The following FAT3 variants were observed in gnomAD, a reference collection of about 807,000 sequenced individuals.
The protein encoded by FAT3 is protocadherin Fat 3.
FAT3 carries 95 observed loss-of-function variants against 310.2 expected under a neutral mutation model. That is an observed-to-expected ratio of 0.31 (90% confidence interval 0.26 to 0.36). FAT3 has a LOEUF of 0.36. Ranked by LOEUF, FAT3 falls within the 10% of genes least tolerant of loss-of-function variation. The pLI is 1.00. For synonymous variants in FAT3, 2,314 were observed against 2,192.9 expected (o/e 1.06, Z -1.54); for missense variants, 5,408 against 5,715.6 (o/e 0.95, Z 1.74).
chr11:92,768,535 A>G (rs1018493799), intron 6 of FAT3, among the ~76,000 whole-genome samples: 1 of 151,980 alleles, frequency 6.6e-6, no homozygotes, highest in Non-Finnish European at 1.5e-5. Flanking sequence ...TTAAATACCT[A>G]TTGTTTCCTT....
intron 3 of FAT3, among the ~76,000 whole-genome samples, chr11:92,583,956 G>C (rs1313814954): frequency 6.6e-6 from 1 of 152,006 alleles, no homozygotes; most frequent in East Asian, 1.9e-4. Context: ...ACTAAACGAA[G>C]AGAAGTGCAT....
At chr11:92,584,843 T>A (rs1939047924) in intron 3 of FAT3, among the ~76,000 whole-genome samples, 1 of 151,910 alleles carries the variant, frequency 6.6e-6, no homozygotes, top group South Asian at 2.1e-4. Flanking sequence ...GAAAGAAAAA[T>A]TTAAAAAGAA....
chr11:92,561,000 AATGTGGT>A lies in FAT3; in HGVS notation c.3607+36054_3607+36060del, dbSNP rs201709674. ...TTTTAGAAAAGGAAGAATACCTGTCAATGTGGTACTCTCTTATATTAACAACTTTTTT... is the reference window on the plus strand; with the variant it reads ...TTTTAGAAAAGGAAGAATACCTGTCAACTCTCTTATATTAACAACTTTTTT... On this transcript the variant is annotated intron_variant, in intron 3 of 27. Coordinates refer to ENST00000525166, the MANE Select transcript of FAT3 (RefSeq NM_001367949.2). Among the ~76,000 whole-genome samples the A allele has an allele frequency of 8.5e-4, 130 of 152,348 alleles. No individual in the cohort carries two copies. In the East Asian group the frequency reaches 0.022, roughly 26 times the overall value.
In FAT3 at chr11:92,293,070, AAGGAAGGAAAGAAG is replaced by A. The variant is rs1294377549; in HGVS notation, c.-17-59025_-17-59012del. 8.7e-5 allele frequency among the ~76,000 whole-genome samples: 12 copies of A among 137,308 alleles called. No homozygotes were observed. The East Asian group carries it at 1.4e-3, about 16-fold the overall frequency. 90.1% of individuals were successfully genotyped at this position (137,308 alleles called of 152,430 possible). A position where few individuals can be genotyped will look rare whatever the true frequency, so the allele number is the denominator to read the frequency against. On this transcript the variant is annotated intron_variant, in intron 1 of 27. Transcript: ENST00000525166. ...GAAGGAAGGAAGGAAGGAAGGAAGG[AAGGAAGGAAAGAAG>A]GAAGGAAGGAAGGAAAGGAAGGAAG... is the stretch of plus-strand genomic sequence containing the variant.
intron 3 of FAT3, among the ~76,000 whole-genome samples, chr11:92,547,368 G>A (rs1438895225): frequency 1.3e-5 from 2 of 152,144 alleles, no homozygotes; most frequent in Non-Finnish European, 2.9e-5. Context: ...GCAATATTTT[G>A]TGCCAGCCAA....
intron 7 of FAT3, among the ~76,000 whole-genome samples, chr11:92,786,016 T>A (rs1204755203): frequency 6.6e-6 from 1 of 152,128 alleles, no homozygotes; most frequent in East Asian, 1.9e-4. Context: ...TCCAGAAATA[T>A]GCTAACTGCA....
chr11:92,746,205 C>T (rs1471599786), intron 4 of FAT3, among the ~76,000 whole-genome samples: 2 of 152,298 alleles, frequency 1.3e-5, no homozygotes, highest in African/African-American at 2.4e-5. Flanking sequence ...GTAACTGAAG[C>T]TCAGTAATTT....
intron 3 of FAT3, among the ~76,000 whole-genome samples, chr11:92,667,588 G>A (rs962763868): frequency 2.0e-5 from 3 of 152,172 alleles, no homozygotes; most frequent in Non-Finnish European, 4.4e-5. Flanking sequence ...GGGGCTGCCT[G>A]CAGAGGAGCC....
chr11:92,626,566 A>G (rs1941346357), intron 3 of FAT3, among the ~76,000 whole-genome samples: 2 of 151,502 alleles, frequency 1.3e-5, no homozygotes, highest in African/African-American at 2.4e-5. Context: ...TGATAGTTGC[A>G]TGGGTCTTTT....
At chr11:92,711,198 C>CTACATAAAATTTGTGAAGAAATCTAA (rs1297882566) in intron 4 of FAT3, among the ~76,000 whole-genome samples, 2 of 151,704 alleles carry the variant, frequency 1.3e-5, no homozygotes, top group African/African-American at 2.4e-5. Context: ...TCATATAATC[C>CTACATAAAATTTGTGAAGAAATCTAA]TACATAAAAT....
chr11:92,667,067 CCAGA>C (rs1942977504), intron 3 of FAT3, among the ~76,000 whole-genome samples: 2 of 151,946 alleles, frequency 1.3e-5, no homozygotes, highest in African/African-American at 4.8e-5. Context: ...CCAGCACAGA[CCAGA>C]CAAAGACAGA....
chr11:92,377,563 C>T (rs1303971988), intron 2 of FAT3, among the ~76,000 whole-genome samples: 3 of 152,196 alleles, frequency 2.0e-5, no homozygotes, highest in African/African-American at 7.2e-5. Context: ...AATTATTGAG[C>T]ATGCCCAGGA....
intron 3 of FAT3, among the ~76,000 whole-genome samples, chr11:92,636,744 G>A (rs543340948): frequency 1.9e-4 from 29 of 152,286 alleles, no homozygotes; most frequent in Middle Eastern, 3.4e-3. Flanking sequence ...TTGTTTAGGC[G>A]AGTAGTGTAG....
At chr11:92,509,336 G>T in intron 2 of FAT3, among the ~76,000 whole-genome samples, 1 of 152,108 alleles carries the variant, frequency 6.6e-6, no homozygotes. Flanking sequence ...CCTTTGACCT[G>T]TCAATTCTAC....
Position 92,684,997 on chromosome 11 carries a change from G to T in FAT3, c.3608-12387G>T, listed in dbSNP as rs550955340. Among the ~76,000 whole-genome samples the T allele has an allele frequency of 4.6e-5, 7 of 152,280 alleles. No individual in the cohort carries two copies. In the South Asian group the frequency reaches 1.4e-3, roughly 32 times the overall value. ...GCCAGGGAGTGTGATCCTACAGGGC[G>T]CTTTGTCTTATCCTCCATCTTGATA... On this transcript the variant is annotated intron_variant, in intron 3 of 27. Coordinates refer to ENST00000525166, the MANE Select transcript of FAT3 (RefSeq NM_001367949.2).
At chr11:92,271,373 T>G (rs1466058645) in intron 1 of FAT3, among the ~76,000 whole-genome samples, 1 of 152,192 alleles carries the variant, frequency 6.6e-6, no homozygotes, top group Non-Finnish European at 1.5e-5. Context: ...TGCTGCTTTC[T>G]GTCTTCATTT....
At chr11:92,379,942 A>G (rs1343224473) in intron 2 of FAT3, among the ~76,000 whole-genome samples, 1 of 152,112 alleles carries the variant, frequency 6.6e-6, no homozygotes, top group Non-Finnish European at 1.5e-5. Flanking sequence ...GAGGTAAAAA[A>G]TCAACCTAAA....
intron 9 of FAT3, among the ~76,000 whole-genome samples, chr11:92,794,408 G>A (rs1156436500): frequency 6.6e-6 from 1 of 151,994 alleles, no homozygotes; most frequent in Non-Finnish European, 1.5e-5. Context: ...TAATTATTTA[G>A]ATATAGGGTT....
intron 1 of FAT3, among the ~76,000 whole-genome samples, chr11:92,293,114 G>A (rs1480133318): frequency 6.6e-6 from 1 of 151,512 alleles, no homozygotes; most frequent in Non-Finnish European, 1.5e-5. Context: ...AGGAAGGCTG[G>A]CTCTCAATGA....
Sources: allele counts gnomAD v4.1 joint callset (sites outside exome capture counted in the v4.1 genomes callset), GRCh38; gene constraint gnomAD v4.1.1; transcripts MANE v1.5; gene names NCBI Gene and HGNC (gene_info 2026-07-23, HGNC 2026-07-21).